The following MLXIP variants were observed in gnomAD, a reference collection of about 807,000 sequenced individuals.
MLXIP encodes MLX-interacting protein.
Under a neutral mutation model 87.2 loss-of-function variants are expected in MLXIP, and 30 were observed. That is an observed-to-expected ratio of 0.34 (90% CI 0.26 to 0.47). MLXIP has a LOEUF of 0.47. Among genes scored for constraint, MLXIP ranks in the 20% least tolerant of loss-of-function variants. MLXIP has a pLI of 1.00. For missense variants in MLXIP, 1,002 were observed against 1,240.1 expected (o/e 0.81, Z 2.88); for synonymous variants, 530 against 514.0 (o/e 1.03, Z -0.42).
chr12:122,132,608 G>T, intron 8 of MLXIP: 1 of 523,876 alleles, frequency 1.9e-6, no homozygotes, highest in Non-Finnish European at 3.4e-6. Flanking sequence ...GTGTGCTTCT[G>T]CCTGAGTGCC....
chr12:122,115,211 A>G (rs894582144), intron 1 of MLXIP, among the ~76,000 whole-genome samples: 1 of 152,120 alleles, frequency 6.6e-6, no homozygotes, highest in Admixed American at 6.6e-5. Context: ...TAAAACTACA[A>G]AAGCTTAAAA....
At position 122,145,144 on chromosome 12, in the gene MLXIP, A is replaced by G. The variant is rs2078055311; in HGVS notation, c.*3332A>G. 3 of 152,322 alleles carry G rather than the reference A, an allele frequency of 2.0e-5. No individual in the cohort carries two copies. The highest frequency in any genetic ancestry group is 2.0e-4 in the Admixed American group (3 of 15,302). 9.4% of individuals were successfully genotyped at this position (152,322 alleles called of 1,614,324 possible). On this transcript the variant is annotated 3_prime_UTR_variant, in exon 17 of 17. Transcript: ENST00000319080. Reference sequence around the variant, plus strand: ...CTAGCTGCCTTCTTAGGACATCTCTACTTTGAAGGATTTTACCGCAGGAAG... The same window carrying G: ...CTAGCTGCCTTCTTAGGACATCTCTGCTTTGAAGGATTTTACCGCAGGAAG...
At chr12:122,114,523 G>A (rs1164637046) in intron 1 of MLXIP, among the ~76,000 whole-genome samples, 1 of 152,168 alleles carries the variant, frequency 6.6e-6, no homozygotes, top group Non-Finnish European at 1.5e-5. Context: ...GTCTGGCTAA[G>A]ACCTTTAGTT....
intron 1 of MLXIP, among the ~76,000 whole-genome samples, chr12:122,085,928 G>T (rs1027081503): frequency 6.6e-6 from 1 of 152,150 alleles, no homozygotes; most frequent in East Asian, 1.9e-4. Flanking sequence ...CAAGGTTGCT[G>T]GTCTACTGAC....
At chr12:122,140,710 C>T in intron 15 of MLXIP, 1 of 601,922 alleles carries the variant, frequency 1.7e-6, no homozygotes, top group Non-Finnish European at 3.0e-6. Flanking sequence ...TTCTGTGTCC[C>T]TGTCCCCTGC....
chr12:122,100,287 TG>T (rs1952418060), intron 1 of MLXIP, among the ~76,000 whole-genome samples: 1 of 152,222 alleles, frequency 6.6e-6, no homozygotes, highest in African/African-American at 2.4e-5. Flanking sequence ...GGATTAAGGT[TG>T]GCTTGCTATT....
chr12:122,086,772 T>C (rs1306436303), intron 1 of MLXIP, among the ~76,000 whole-genome samples: 1 of 152,054 alleles, frequency 6.6e-6, no homozygotes, highest in African/African-American at 2.4e-5. Flanking sequence ...CTTCGAGGAC[T>C]GGCCGATTTC....
intron 1 of MLXIP, among the ~76,000 whole-genome samples, chr12:122,080,618 C>T (rs1005125572): frequency 6.6e-6 from 1 of 152,210 alleles, no homozygotes; most frequent in Non-Finnish European, 1.5e-5. Context: ...TCCCGTAGCT[C>T]CTCCTCCCAT....
At chr12:122,101,562 A>AT (rs1565964415) in intron 1 of MLXIP, among the ~76,000 whole-genome samples, 2 of 122,146 alleles carry the variant, frequency 1.6e-5, no homozygotes, top group South Asian at 5.1e-4. Flanking sequence ...TTATTTATTT[A>AT]TTTATTTTTT....
At position 122,078,862 on chromosome 12, in the gene MLXIP, C is replaced by T. The variant is rs1017429842; in HGVS notation, c.9C>T (p.Ala3=). The T allele has an allele frequency of 2.7e-6, 3 of 1,095,840 alleles. No individual in the cohort carries two copies. Among genetic ancestry groups the T allele is most frequent in the African/African-American group, 3.4e-5 (2 of 58,638 alleles). The allele number at this position is 1,095,840 out of a possible 1,614,324, so 67.9% of individuals were successfully genotyped here. A position where few individuals can be genotyped will look rare whatever the true frequency, so the allele number is the denominator to read the frequency against. Residue 3 remains alanine (A), a synonymous_variant, in exon 1 of 17, where the codon GCC becomes GCT. Transcript: ENST00000319080. The part of the protein sequence containing the change: MA[A]DVFMCSPRRP... ...CCGGCCGAGCCCTTCTCATGGCCGC[C>T]GACGTCTTCATGTGCTCCCCGCGCC...
chr12:122,105,038 A>G (rs940719972), intron 1 of MLXIP, among the ~76,000 whole-genome samples: 2 of 152,186 alleles, frequency 1.3e-5, no homozygotes, highest in African/African-American at 4.8e-5. Flanking sequence ...TAAACCACTA[A>G]ATCACGTGAG....
chr12:122,110,945 C>T lies in MLXIP; in HGVS notation c.414-16311C>T, dbSNP rs982525432. Among the ~76,000 whole-genome samples the T allele has an allele frequency of 4.0e-5, 6 of 151,342 alleles. No homozygotes were observed. In the East Asian group the frequency reaches 9.8e-4, roughly 25 times the overall value. ...ACAAAAAATTAGCCGGGCGTGGTGGCGGGCGCCTGTAGTCCCAGCTACTCA... is the reference window on the plus strand; with the variant it reads ...ACAAAAAATTAGCCGGGCGTGGTGGTGGGCGCCTGTAGTCCCAGCTACTCA... On this transcript the variant is annotated intron_variant, in intron 1 of 16. Coordinates refer to ENST00000319080, the MANE Select transcript of MLXIP (RefSeq NM_014938.6).
intron 1 of MLXIP, among the ~76,000 whole-genome samples, chr12:122,092,765 G>T (rs1048560290): frequency 2.6e-5 from 4 of 152,148 alleles, no homozygotes; most frequent in Non-Finnish European, 4.4e-5. Context: ...CTCTATAAAC[G>T]GTTGATTTGG....
intron 1 of MLXIP, among the ~76,000 whole-genome samples, chr12:122,097,594 C>G (rs1952373558): frequency 6.8e-6 from 1 of 147,658 alleles, no homozygotes; most frequent in Non-Finnish European, 1.5e-5. Context: ...GCCTGGGTGA[C>G]AGAGTGAGAC....
At chr12:122,088,499 G>A (rs1952200293) in intron 1 of MLXIP, among the ~76,000 whole-genome samples, 1 of 152,174 alleles carries the variant, frequency 6.6e-6, no homozygotes, top group Admixed American at 6.5e-5. Context: ...CCGCCTTTAA[G>A]TCTCGGAAGT....
chr12:122,093,370 TTGG>T (rs1473236289), intron 1 of MLXIP, among the ~76,000 whole-genome samples: 1 of 144,488 alleles, frequency 6.9e-6, no homozygotes. Context: ...GTGGTGTGTG[TTGG>T]TGTGTGTGGT....
Position 122,079,047 on chromosome 12 carries a change from C to A in MLXIP, c.194C>A (p.Pro65Gln). The A allele has an allele frequency of 1.3e-6, 2 of 1,491,530 alleles. No homozygotes were observed. Among genetic ancestry groups the A allele is most frequent in the South Asian group, 2.5e-5 (2 of 80,120 alleles). The allele number at this position is 1,491,530 out of a possible 1,614,324, so 92.4% of individuals were successfully genotyped here. The change falls in exon 1 of 17, where the codon CCG becomes CAG. Residue 65 changes from proline to glutamine, a missense_variant. Physicochemically the swap from Pro to Gln is moderately conservative, Grantham distance 76. This residue lies in a region of MLXIP where 129 missense variants were observed against 104.2 expected (regional missense o/e 1.24). Coordinates refer to ENST00000319080, the MANE Select transcript of MLXIP (RefSeq NM_014938.6). ...GCGCCACCGCCGCCTCGGGCCGGGCCGGGCCGCGAGGAACCTCCGCGCCGC... is the reference window on the plus strand; with the variant it reads ...GCGCCACCGCCGCCTCGGGCCGGGCAGGGCCGCGAGGAACCTCCGCGCCGC... ...SAAPPPPRAG[P>Q]GREEPPRRQQ...
rs1387560288 is a variant in MLXIP, at chr12:122,137,713, A to G, written c.2154+123A>G. 1.0e-5 allele frequency: 15 copies of G among 1,460,062 alleles called. No homozygotes were observed. The highest frequency in any genetic ancestry group is 5.3e-5 in the South Asian group (4 of 75,854). The allele number at this position is 1,460,062 out of a possible 1,614,324, so 90.4% of individuals were successfully genotyped here. A position where few individuals can be genotyped will look rare whatever the true frequency, so the allele number is the denominator to read the frequency against. ...GCCAGAGCTGCCCAGGCAGGGGTGG[A>G]TCAGAAATGGGCTTCTCCTTGCCCC... On this transcript the variant is annotated intron_variant, in intron 12 of 16. Coordinates refer to ENST00000319080, the MANE Select transcript of MLXIP (RefSeq NM_014938.6). The surrounding 1 kb of genome is among the most constrained non-coding windows in gnomAD (Gnocchi z 4.1).
rs1593126151 is a variant in MLXIP at position 122,143,837 on chromosome 12, C to T, written c.*2025C>T. The T allele has an allele frequency of 6.6e-6, 1 of 152,550 alleles. No individual in the cohort carries two copies. The highest frequency in any genetic ancestry group is 1.5e-5 in the Non-Finnish European group (1 of 68,030). The allele number at this position is 152,550 out of a possible 1,614,324, so 9.4% of individuals were successfully genotyped here. A position where few individuals can be genotyped will look rare whatever the true frequency, so the allele number is the denominator to read the frequency against. On this transcript the variant is annotated 3_prime_UTR_variant, in exon 17 of 17. Coordinates refer to ENST00000319080, the MANE Select transcript of MLXIP (RefSeq NM_014938.6). Reference sequence around the variant, plus strand: ...TTCAGCCTACCTCTCCCTCTGCTGACTTAATGTCGTGATTCTGTTTCTTCA... The same window carrying T: ...TTCAGCCTACCTCTCCCTCTGCTGATTTAATGTCGTGATTCTGTTTCTTCA...
Sources: gnomAD v4.1 joint callset for allele counts (sites outside exome capture counted in the v4.1 genomes callset) on GRCh38, gnomAD v4.1.1 for gene constraint, gnomAD v4.1.1 regional missense constraint, Gnocchi (gnomAD v3.1) non-coding constraint, MANE v1.5 for transcripts, NCBI Gene and HGNC (gene_info 2026-07-23, HGNC 2026-07-21) for gene names.